Variants in CTNNA3 observed in about 807,000 individuals in gnomAD.
CTNNA3 encodes the protein catenin alpha 3, also known as catenin alpha-3.
A neutral mutation model predicts 95.7 loss-of-function variants in CTNNA3; 76 were observed. The observed-to-expected ratio is 0.79, with a 90% confidence interval of 0.66 to 0.96. The LOEUF (loss-of-function observed/expected upper bound fraction) is 0.96, where lower values mean the gene tolerates loss of function less well. Among genes scored for constraint, CTNNA3 ranks in the 40% least tolerant of loss-of-function variants. The pLI is 0.00. For synonymous variants in CTNNA3, 431 were observed against 374.4 expected (o/e 1.15, Z -1.74); for missense variants, 1,191 against 1,089.8 (o/e 1.09, Z -1.31).
intron 11 of CTNNA3, among the ~76,000 whole-genome samples, chr10:66,442,266 G>C (rs1430458558): frequency 6.6e-6 from 1 of 152,076 alleles, no homozygotes; most frequent in Non-Finnish European, 1.5e-5. Flanking sequence ...TAAGGAACTT[G>C]AACATCCATG....
At chr10:66,671,950 GT>G (rs1846675683) in intron 9 of CTNNA3, among the ~76,000 whole-genome samples, 1 of 152,106 alleles carries the variant, frequency 6.6e-6, no homozygotes, top group Non-Finnish European at 1.5e-5. Flanking sequence ...ATAAATGCTG[GT>G]TATTATTCTT....
intron 5 of CTNNA3, among the ~76,000 whole-genome samples, chr10:67,360,779 T>C (rs1341352466): frequency 6.6e-6 from 1 of 151,934 alleles, no homozygotes; most frequent in Non-Finnish European, 1.5e-5. Flanking sequence ...CACTCACTAT[T>C]GCAAAGACAG....
chr10:66,687,937 T>C (rs12218270), intron 9 of CTNNA3, among the ~76,000 whole-genome samples: 3,109 of 152,166 alleles, frequency 0.02, 114 homozygotes, highest in East Asian at 0.17. Context: ...ACTTACTTAA[T>C]TGTGTTGAAG....
intron 12 of CTNNA3, among the ~76,000 whole-genome samples, chr10:66,319,737 A>T (rs2092155730): frequency 6.6e-6 from 1 of 152,172 alleles, no homozygotes. Context: ...TGTTACTAGC[A>T]TTCAAATGCG....
At chr10:66,326,789 T>C (rs973354829) in intron 12 of CTNNA3, among the ~76,000 whole-genome samples, 2 of 152,070 alleles carry the variant, frequency 1.3e-5, no homozygotes, top group African/African-American at 2.4e-5. Flanking sequence ...TATCTTCCTC[T>C]TTGGGGGGTA....
At chr10:66,486,699 A>G (rs1429351471) in intron 11 of CTNNA3, among the ~76,000 whole-genome samples, 1 of 152,154 alleles carries the variant, frequency 6.6e-6, no homozygotes, top group African/African-American at 2.4e-5. Flanking sequence ...GTATATAGCC[A>G]AAGGAATTAA....
intron 11 of CTNNA3, among the ~76,000 whole-genome samples, chr10:66,488,763 C>T (rs183668152): frequency 2.6e-4 from 40 of 151,928 alleles, no homozygotes; most frequent in African/African-American, 9.4e-4. Flanking sequence ...TCATATGAAA[C>T]ATCATAGGAG....
intron 7 of CTNNA3, among the ~76,000 whole-genome samples, chr10:67,163,941 A>G (rs1400368968): frequency 6.6e-6 from 1 of 152,062 alleles, no homozygotes; most frequent in African/African-American, 2.4e-5. Context: ...CGACTTCTAT[A>G]CTGAAAACTG....
At chr10:67,729,386 C>T (rs1841262228) in intron 1 of CTNNA3, among the ~76,000 whole-genome samples, 1 of 152,172 alleles carries the variant, frequency 6.6e-6, no homozygotes, top group South Asian at 2.1e-4. Flanking sequence ...TGAGATTTTT[C>T]CTACTCTCTA....
intron 7 of CTNNA3, among the ~76,000 whole-genome samples, chr10:67,155,746 C>T (rs527574314): frequency 1.1e-4 from 17 of 152,092 alleles, no homozygotes; most frequent in Admixed American, 4.6e-4. Flanking sequence ...TGGCATCCTG[C>T]ATTGGTGGTA....
chr10:67,672,127 T>G (rs1477954926), intron 1 of CTNNA3, among the ~76,000 whole-genome samples: 7 of 152,256 alleles, frequency 4.6e-5, no homozygotes. Context: ...TGAGCATTTT[T>G]TCATGTGTCT....
intron 11 of CTNNA3, among the ~76,000 whole-genome samples, chr10:66,434,909 T>G (rs1419681427): frequency 3.4e-5 from 4 of 118,606 alleles, no homozygotes; most frequent in East Asian, 2.5e-4. Context: ...TAATCATGTG[T>G]TTTTTTTTCA....
intron 7 of CTNNA3, among the ~76,000 whole-genome samples, chr10:66,788,403 A>G (rs941426625): frequency 2.6e-5 from 4 of 152,186 alleles, no homozygotes; most frequent in African/African-American, 9.6e-5. Context: ...GCCCAGTTGC[A>G]GGAGATTGCT....
chr10:66,972,930 G>A (rs11817816), intron 7 of CTNNA3, among the ~76,000 whole-genome samples: 26,366 of 151,806 alleles, frequency 0.17, 2,391 homozygotes, highest in Non-Finnish European at 0.19. Flanking sequence ...AAGTTTCATA[G>A]ATTAAAAAGT....
intron 7 of CTNNA3, among the ~76,000 whole-genome samples, chr10:66,854,394 T>C (rs1212655421): frequency 6.6e-6 from 1 of 152,024 alleles, no homozygotes; most frequent in African/African-American, 2.4e-5. Context: ...TGAAGTGTTA[T>C]ACAGAATAAA....
chr10:67,407,536 A>G (rs753205722), intron 5 of CTNNA3, among the ~76,000 whole-genome samples: 6 of 152,196 alleles, frequency 3.9e-5, no homozygotes, highest in Non-Finnish European at 7.4e-5. Flanking sequence ...TACCACTCCT[A>G]GTCAACATAG....
At chr10:67,486,141 A>T (rs1484468067) in intron 5 of CTNNA3, among the ~76,000 whole-genome samples, 5 of 152,198 alleles carry the variant, frequency 3.3e-5, no homozygotes, top group African/African-American at 1.2e-4. Flanking sequence ...TCTTGTTCAC[A>T]CTCATTCACC....
chr10:66,270,227 G>C (rs905855288), intron 13 of CTNNA3, among the ~76,000 whole-genome samples: 4 of 150,560 alleles, frequency 2.7e-5, no homozygotes, highest in African/African-American at 4.9e-5. Context: ...CATTTTTTGG[G>C]GGGGGGGGCA....
At chr10:66,292,709 C>T (rs2091704517) in intron 12 of CTNNA3, among the ~76,000 whole-genome samples, 1 of 152,116 alleles carries the variant, frequency 6.6e-6, no homozygotes, top group Admixed American at 6.5e-5. Flanking sequence ...GCTCTGAAAA[C>T]CTTTTATTTT....
Sources: gnomAD v4.1 joint callset for allele counts (sites outside exome capture counted in the v4.1 genomes callset) on GRCh38, gnomAD v4.1.1 for gene constraint, MANE v1.5 for transcripts, NCBI Gene and HGNC (gene_info 2026-07-23, HGNC 2026-07-21) for gene names.